FAT4: variants seen among roughly 807,000 people sequenced by gnomAD.
FAT4 encodes the protein FAT atypical cadherin 4.
In FAT4, 84 loss-of-function variants were observed where a neutral mutation model predicts 303.9. The observed-to-expected ratio is 0.28, with a 90% confidence interval of 0.23 to 0.33. FAT4 has a LOEUF of 0.33. Ranked by LOEUF, FAT4 falls within the 10% of genes least tolerant of loss-of-function variation. The pLI is 1.00. For synonymous variants in FAT4, 2,307 were observed against 2,298.8 expected (o/e 1.00, Z -0.10); for missense variants, 6,005 against 6,146.8 (o/e 0.98, Z 0.77).
chr4:125,356,233 C>T (rs920024462), intron 2 of FAT4, among the ~76,000 whole-genome samples: 17 of 151,998 alleles, frequency 1.1e-4, no homozygotes, highest in African/African-American at 4.1e-4. Flanking sequence ...AAGAGCCATC[C>T]ATACATTTGT....
intron 2 of FAT4, among the ~76,000 whole-genome samples, chr4:125,345,459 C>A (rs1359790568): frequency 6.7e-6 from 1 of 150,222 alleles, no homozygotes. Flanking sequence ...AAAAAAAAAA[C>A]ACACAAAAAG....
At chr4:125,378,115 A>G (rs937954584) in intron 2 of FAT4, among the ~76,000 whole-genome samples, 1 of 152,120 alleles carries the variant, frequency 6.6e-6, no homozygotes, top group Non-Finnish European at 1.5e-5. Flanking sequence ...CCTGCTCCAG[A>G]TTAACAGATG....
Position 125,448,601 on chromosome 4 carries a change from A to C in FAT4, c.7591A>C (p.Asn2531His). The C allele has an allele frequency of 6.2e-7, 1 of 1,613,956 alleles. No homozygotes were observed. The highest frequency in any genetic ancestry group is 8.5e-7 in the Non-Finnish European group (1 of 1,179,906). The stretch of plus-strand genomic sequence containing the variant: ...AGCCATTATGGCCGCCGGACCACTA[A>C]ACGGAGCTTCAGAAGTGACATTTTC... ...RGAIMAAGPL[N>H]GASEVTFSVH... Residue 2531 changes from asparagine (N) to histidine (H), a missense_variant, in exon 10 of 18, where the codon AAC becomes CAC. By Grantham distance (68) the Asn-to-His change is moderately conservative. Transcript: ENST00000394329.
intron 17 of FAT4, 32 bp from the exon 18 acceptor site, chr4:125,489,860 TTTTTTTTTG>T (rs2126095827): frequency 9.7e-7 from 1 of 1,028,382 alleles, no homozygotes; most frequent in Non-Finnish European, 1.3e-6. Context: ...TTTTTTTTTT[TTTTTTTTTG>T]TAAAAAGCCT....
At chr4:125,348,363 A>C (rs147384745) in intron 2 of FAT4, among the ~76,000 whole-genome samples, 1 of 151,888 alleles carries the variant, frequency 6.6e-6, no homozygotes, top group Non-Finnish European at 1.5e-5. Context: ...TATGAAGAAC[A>C]ATGAAGTTTT....
intron 2 of FAT4, among the ~76,000 whole-genome samples, chr4:125,345,617 T>A (rs1731969635): frequency 6.6e-6 from 1 of 152,132 alleles, no homozygotes; most frequent in African/African-American, 2.4e-5. Context: ...TACTCTGGCA[T>A]GTATTATTTA....
intron 2 of FAT4, among the ~76,000 whole-genome samples, chr4:125,344,829 C>T (rs902196659): frequency 6.6e-6 from 1 of 152,050 alleles, no homozygotes; most frequent in African/African-American, 2.4e-5. Context: ...CCCCCACCAC[C>T]ATGACTATGA....
At chr4:125,461,281 T>C (rs1726474681) in intron 10 of FAT4, among the ~76,000 whole-genome samples, 1 of 152,028 alleles carries the variant, frequency 6.6e-6, no homozygotes, top group Admixed American at 6.6e-5. Context: ...TAAATTTCAT[T>C]TGTTGCTATT....
intron 7 of FAT4, among the ~76,000 whole-genome samples, chr4:125,430,768 T>G (rs1474854088): frequency 6.6e-6 from 1 of 152,054 alleles, no homozygotes; most frequent in Non-Finnish European, 1.5e-5. Context: ...GAAAACAGAC[T>G]CATATAGATG....
At chr4:125,389,039 C>T (rs2126004939) in intron 2 of FAT4, among the ~76,000 whole-genome samples, 1 of 152,212 alleles carries the variant, frequency 6.6e-6, no homozygotes, top group Non-Finnish European at 1.5e-5. Flanking sequence ...CAGTTATATA[C>T]ATGTAGCTTA....
intron 5 of FAT4, 98 bp downstream of exon 5, chr4:125,408,892 T>C: frequency 1.6e-6 from 1 of 616,142 alleles, no homozygotes; most frequent in Non-Finnish European, 2.6e-6. Context: ...CAAAAATGCA[T>C]TTTGTGAATA....
At position 125,449,938 on chromosome 4, in the gene FAT4, G is replaced by T. The variant is rs1178760035; in HGVS notation, c.8928G>T (p.Val2976=). 6.2e-7 allele frequency: 1 copy of T among 1,613,646 alleles called. No homozygotes were observed. The highest frequency in any genetic ancestry group is 8.5e-7 in the Non-Finnish European group (1 of 1,179,870). The change falls in exon 10 of 18, where the codon GTG becomes GTT. Residue 2976 remains valine, a synonymous_variant. Coordinates refer to ENST00000394329, the MANE Select transcript of FAT4 (RefSeq NM_001291303.3). ...AGACAACAGTTACCATCAATATAGT[G>T]GACAGTAATGACAATGCACCTCAAT... ...ISETTVTINI[V]DSNDNAPQFL...
At chr4:125,377,087 C>G (rs1165240296) in intron 2 of FAT4, among the ~76,000 whole-genome samples, 1 of 151,950 alleles carries the variant, frequency 6.6e-6, no homozygotes, top group Admixed American at 6.6e-5. Flanking sequence ...CTTCTAAATT[C>G]TAAAAGAAAG....
chr4:125,316,944 G>A lies in FAT4; in HGVS notation c.533G>A (p.Arg178His), dbSNP rs781575957. The stretch of plus-strand genomic sequence containing the variant: ...GACCACCGCTCCTACCGCATCATCC[G>A]CGGCAATGAGGCGGGGCGCTTCCGT... Reference protein sequence around the residue: ...GVDHRSYRIIRGNEAGRFRLD... With the variant: ...GVDHRSYRIIHGNEAGRFRLD... The change falls in exon 2 of 18, where the codon CGC (arginine) becomes CAC (histidine). Residue 178 changes from arginine to histidine, a missense_variant. By Grantham distance (29) the Arg-to-His change is conservative (BLOSUM62 0). Transcript: ENST00000394329. This position sits in a 1 kb window ranked among gnomAD's most constrained non-coding sequence, Gnocchi z 5.7. The A allele has an allele frequency of 2.5e-6, 4 of 1,613,814 alleles. No homozygotes were observed. In the East Asian group the frequency reaches 8.9e-5, roughly 36 times the overall value.
At chr4:125,437,022 T>G (rs773155012) in intron 8 of FAT4, among the ~76,000 whole-genome samples, 2 of 151,950 alleles carry the variant, frequency 1.3e-5, no homozygotes, top group Non-Finnish European at 2.9e-5. Flanking sequence ...ACTCGGCTAA[T>G]TTTTGTATTT....
intron 6 of FAT4, 64 bp from the exon 7 acceptor site, chr4:125,416,384 G>A (rs1450817057): frequency 1.5e-6 from 2 of 1,347,336 alleles, no homozygotes; most frequent in Non-Finnish European, 2.0e-6. Flanking sequence ...TTTTAATGGA[G>A]GCATTTTATT....
In FAT4 at chr4:125,452,347, T is replaced by A; in HGVS notation, c.11337T>A (p.Ser3779Arg). The change falls in exon 10 of 18, where the codon AGT (serine) becomes AGA (arginine). Residue 3779 changes from serine (S) to arginine (R), a missense_variant. Physicochemically the swap from Ser to Arg is moderately radical, Grantham distance 110. Transcript: ENST00000394329. ...KRNHNQYVNPSGVATFFESIK... is the reference protein window; with the variant it reads ...KRNHNQYVNPRGVATFFESIK... ...ATCATAATCAGTATGTGAATCCCAG[T>A]GGCGTAGCCACCTTCTTTGAAAGCA... 1 of 1,614,222 alleles carries A rather than the reference T, an allele frequency of 6.2e-7. No individual in the cohort carries two copies. The highest frequency in any genetic ancestry group is 8.5e-7 in the Non-Finnish European group (1 of 1,180,038).
intron 11 of FAT4, 106 bp from the exon 12 acceptor site, chr4:125,468,406 G>T: frequency 1.2e-6 from 1 of 810,360 alleles, no homozygotes; most frequent in South Asian, 4.3e-5. Flanking sequence ...AGTAAAAAAA[G>T]TTGTTAAAAG....
In FAT4 at chr4:125,319,083, C is replaced by T; in HGVS notation, c.2672C>T (p.Pro891Leu). ...GTTAAGGATTTGAATGACAACTCTC[C>T]CCATTTCCTTCAGGCAATAGAGAGT... ...ITVKDLNDNS[P>L]HFLQAIESVN... The change falls in exon 2 of 18, where the codon CCC becomes CTC. Residue 891 changes from proline (P) to leucine (L), a missense_variant. By Grantham distance (98) the Pro-to-Leu change is moderately conservative. Transcript: ENST00000394329. 6.2e-7 allele frequency: 1 copy of T among 1,614,108 alleles called. No individual in the cohort carries two copies.
Sources: allele counts gnomAD v4.1 joint callset (sites outside exome capture counted in the v4.1 genomes callset), GRCh38; gene constraint gnomAD v4.1.1; non-coding constraint Gnocchi (gnomAD v3.1); transcripts MANE v1.5; gene names NCBI Gene and HGNC (gene_info 2026-07-23, HGNC 2026-07-21).